The following FAM53A variants were observed in gnomAD, a reference collection of about 807,000 sequenced individuals.
The protein encoded by FAM53A is family with sequence similarity 53 member A.
In FAM53A, 28 loss-of-function variants were observed where a neutral mutation model predicts 26.6. That is an observed-to-expected ratio of 1.05 (90% CI 0.78 to 1.45). The LOEUF (loss-of-function observed/expected upper bound fraction) is 1.45. Ranked by LOEUF, FAM53A falls within the 40% of genes most tolerant of loss-of-function variation. The pLI, the probability that FAM53A is intolerant of heterozygous loss-of-function variation, is 0.00. For synonymous variants in FAM53A, 290 were observed against 253.1 expected (o/e 1.15, Z -1.38); for missense variants, 650 against 575.8 (o/e 1.13, Z -1.32).
chr4:1,608,036 C>T, the FAM53A span, among the ~76,000 whole-genome samples: 3 of 151,886 alleles, frequency 2.0e-5, no homozygotes, highest in East Asian at 1.9e-4. Flanking sequence ...CACTTGAACC[C>T]GGGAGGCGGA....
the FAM53A span, among the ~76,000 whole-genome samples, chr4:1,577,830 G>T: frequency 0.018 from 2,776 of 152,242 alleles, 77 homozygotes; most frequent in African/African-American, 0.063. Context: ...CAATGTCGGG[G>T]CCTTGTCAGG....
In FAM53A at chr4:1,640,019, C is replaced by T. The variant is rs1316018855; in HGVS notation, c.*1274G>A. ...GCCTGAGGCGCAGCCAGGCCCACTT[C>T]AGATGGTGGAAACGAAAATTAATCA... On this transcript the variant is annotated 3_prime_UTR_variant, in exon 5 of 5. Coordinates refer to ENST00000308132, the MANE Select transcript of FAM53A (RefSeq NM_001174070.3). The T allele has an allele frequency of 2.6e-5, 4 of 152,274 alleles. No homozygotes were observed. Among genetic ancestry groups the T allele is most frequent in the African/African-American group, 9.6e-5 (4 of 41,468 alleles). The allele number at this position is 152,274 out of a possible 1,614,324, so 9.4% of individuals were successfully genotyped here.
At chr4:1,646,531 A>G (rs940130418) in intron 4 of FAM53A, among the ~76,000 whole-genome samples, 1 of 152,122 alleles carries the variant, frequency 6.6e-6, no homozygotes, top group Non-Finnish European at 1.5e-5. Context: ...TGGTTTTTCA[A>G]TTTTCACCCA....
At chr4:1,581,464 A>G in the FAM53A span, among the ~76,000 whole-genome samples, 2 of 152,202 alleles carry the variant, frequency 1.3e-5, no homozygotes, top group African/African-American at 2.4e-5. Flanking sequence ...GAAATCGGTC[A>G]TTTTCTTAAA....
Position 1,655,086 on chromosome 4 carries a change from G to A in FAM53A, c.774C>T (p.Cys258=). The A allele has an allele frequency of 6.2e-7, 1 of 1,601,754 alleles. No individual in the cohort carries two copies. The highest frequency in any genetic ancestry group is 1.1e-5 in the South Asian group (1 of 89,430). Residue 258 remains cysteine (C), a synonymous_variant, in exon 4 of 5, where the codon TGC becomes TGT. Coordinates refer to ENST00000308132, the MANE Select transcript of FAM53A (RefSeq NM_001174070.3). ...ALGGRRGLLR[C]RSQPCVLSGK... is the part of the protein sequence containing the mutation. The stretch of plus-strand genomic sequence containing the variant: ...CACTGAGCACGCAAGGCTGTGAGCG[G>A]CACCGGAGCAGCCCACGGCGCCCGC...
At chr4:1,629,028 C>T (rs910073838) in intron 1 of FAM53A, among the ~76,000 whole-genome samples, 15 of 151,904 alleles carry the variant, frequency 9.9e-5, no homozygotes, top group African/African-American at 3.1e-4. Flanking sequence ...AGGCAGGGGC[C>T]GTGGGGTTCT....
downstream of FAM53A, among the ~76,000 whole-genome samples, chr4:1,616,467 G>GT (rs1714815317): frequency 6.6e-6 from 1 of 152,164 alleles, no homozygotes; most frequent in African/African-American, 2.4e-5. Context: ...GGGTGTCACA[G>GT]TGAGACTCCA....
At chr4:1,660,382 A>G (rs939714429) in intron 2 of FAM53A, among the ~76,000 whole-genome samples, 1 of 152,008 alleles carries the variant, frequency 6.6e-6, no homozygotes, top group Non-Finnish European at 1.5e-5. Flanking sequence ...AGATCACTTG[A>G]GCCCAGGAGT....
At chr4:1,576,915 G>A in the FAM53A span, among the ~76,000 whole-genome samples, 5 of 152,194 alleles carry the variant, frequency 3.3e-5, no homozygotes, top group East Asian at 1.9e-4. Flanking sequence ...AAGACAGAAC[G>A]AGGGGTGAGT....
chr4:1,593,161 G>A, the FAM53A span, among the ~76,000 whole-genome samples: 1 of 152,192 alleles, frequency 6.6e-6, no homozygotes, highest in Admixed American at 6.5e-5. Context: ...GTCCTGGGTC[G>A]GGGGCCGGGG....
chr4:1,662,169 A>T (rs1194602272), intron 2 of FAM53A, among the ~76,000 whole-genome samples: 2 of 152,052 alleles, frequency 1.3e-5, no homozygotes, highest in African/African-American at 2.4e-5. Flanking sequence ...TTTCTAAAAG[A>T]TATAAATTTT....
Position 1,641,546 on chromosome 4 carries a change from G to T in FAM53A, c.944C>A (p.Thr315Asn), listed in dbSNP as rs199556675. The change falls in exon 5 of 5, where the codon ACC becomes AAC. Residue 315 changes from threonine to asparagine, a missense_variant. Physicochemically the swap from Thr to Asn is moderately conservative, Grantham distance 65. Transcript: ENST00000308132. ...GGAGGACAGAACCGTCTTCACTGGGGTGTCATCCTCATCGTCATCTTCGTA... is the reference window on the plus strand; with the variant it reads ...GGAGGACAGAACCGTCTTCACTGGGTTGTCATCCTCATCGTCATCTTCGTA... ...LNYEDDDEDDTPVKTVLSSPC... is the reference protein window; with the variant it reads ...LNYEDDDEDDNPVKTVLSSPC... 4.3e-6 allele frequency: 7 copies of T among 1,614,206 alleles called. No individual in the cohort carries two copies. The East Asian group carries it at 6.7e-5, about 15-fold the overall frequency.
chr4:1,582,376 A>C, the FAM53A span, among the ~76,000 whole-genome samples: 1 of 152,078 alleles, frequency 6.6e-6, no homozygotes, highest in African/African-American at 2.4e-5. Context: ...CCTGCCACGG[A>C]CGTCACCACC....
chr4:1,631,244 T>C (rs989353432), intron 1 of FAM53A, among the ~76,000 whole-genome samples: 2 of 152,164 alleles, frequency 1.3e-5, no homozygotes, highest in Non-Finnish European at 2.9e-5. Context: ...CAGCAGCCTT[T>C]TGCCCCGGGA....
intron 2 of FAM53A, among the ~76,000 whole-genome samples, chr4:1,664,422 A>G (rs890306615): frequency 6.6e-6 from 1 of 152,164 alleles, no homozygotes; most frequent in African/African-American, 2.4e-5. Flanking sequence ...TCATACATGA[A>G]TGTACGAGTT....
downstream of FAM53A, among the ~76,000 whole-genome samples, chr4:1,636,569 G>A (rs987773751): frequency 6.6e-6 from 1 of 152,226 alleles, no homozygotes; most frequent in African/African-American, 2.4e-5. Flanking sequence ...CACGGCCTCG[G>A]GCACCTGGCT....
chr4:1,587,515 T>C, the FAM53A span, among the ~76,000 whole-genome samples: 1 of 151,990 alleles, frequency 6.6e-6, no homozygotes, highest in African/African-American at 2.4e-5. Flanking sequence ...CTACTAGAAA[T>C]ACAAAAATTA....
downstream of FAM53A, among the ~76,000 whole-genome samples, chr4:1,637,026 G>A (rs1026365391): frequency 2.6e-5 from 4 of 152,206 alleles, no homozygotes; most frequent in Non-Finnish European, 5.9e-5. Context: ...AGGAGCTCCC[G>A]CTGCACCAGA....
At chr4:1,653,270 C>T in intron 4 of FAM53A, among the ~76,000 whole-genome samples, 1 of 152,200 alleles carries the variant, frequency 6.6e-6, no homozygotes, top group East Asian at 1.9e-4. Context: ...TCTACCCACA[C>T]CTCACACTCT....
Sources: gnomAD v4.1 joint callset for allele counts (sites outside exome capture counted in the v4.1 genomes callset) on GRCh38, gnomAD v4.1.1 for gene constraint, MANE v1.5 for transcripts, NCBI Gene and HGNC (gene_info 2026-07-23, HGNC 2026-07-21) for gene names.